Variants in GTF2F2 observed in about 807,000 individuals in gnomAD.
GTF2F2 encodes the protein general transcription factor IIF subunit 2, also known as ATP-dependent helicase GTF2F2.
In GTF2F2, 23 loss-of-function variants were observed where a neutral mutation model predicts 42.2. The observed-to-expected ratio is 0.55, with a 90% confidence interval of 0.39 to 0.77. The LOEUF (loss-of-function observed/expected upper bound fraction) is 0.77, where lower values mean the gene tolerates loss of function less well. Among genes scored for constraint, GTF2F2 ranks in the 30% least tolerant of loss-of-function variants. The pLI is 0.00. For synonymous variants in GTF2F2, 105 were observed against 100.8 expected, an observed-to-expected ratio of 1.04 and a Z score of -0.25; for missense variants, 261 against 287.2, an observed-to-expected ratio of 0.91 and a Z score of 0.66.
chr13:45,230,148 G>A (rs117751720), intron 5 of GTF2F2, among the ~76,000 whole-genome samples: 8,398 of 152,026 alleles, frequency 0.055, 297 homozygotes, highest in Admixed American at 0.092. Flanking sequence ...CCCATGAGGC[G>A]GAGGTTACAG....
intron 4 of GTF2F2, among the ~76,000 whole-genome samples, chr13:45,160,023 C>G (rs1388700844): frequency 6.6e-6 from 1 of 152,190 alleles, no homozygotes; most frequent in Non-Finnish European, 1.5e-5. Context: ...GTGGGACTTT[C>G]TGAGGCTTTA....
Position 45,189,690 on chromosome 13 carries a change from A to G in GTF2F2, c.305-17734A>G, listed in dbSNP as rs146335559. Among the ~76,000 whole-genome samples, 102 of 147,070 alleles carry G rather than the reference A, an allele frequency of 6.9e-4. 1 individual carries two copies. Among genetic ancestry groups the G allele is most frequent in the Admixed American group, 6.0e-4 (9 of 14,948 alleles). The stretch of plus-strand genomic sequence containing the variant: ...AAGGCTGTTGTGGTTTTGATTTGCA[A>G]TACCATTCAGGACATAGGCATGGGC... On this transcript the variant is annotated intron_variant, in intron 4 of 7. Coordinates refer to ENST00000340473, the MANE Select transcript of GTF2F2 (RefSeq NM_004128.3).
chr13:45,243,532 A>G (rs1410731144), intron 5 of GTF2F2, among the ~76,000 whole-genome samples: 2 of 152,244 alleles, frequency 1.3e-5, no homozygotes, highest in Non-Finnish European at 2.9e-5. Context: ...TGGTGCCAAA[A>G]AGGTTGTGGG....
intron 7 of GTF2F2, among the ~76,000 whole-genome samples, chr13:45,274,452 G>A (rs1049129294): frequency 2.0e-5 from 3 of 148,762 alleles, no homozygotes; most frequent in African/African-American, 5.0e-5. Flanking sequence ...TCAGCCTCCC[G>A]AGTAGCTGGG....
At chr13:45,273,655 A>ATTTTTTTTTTTTTT (rs773254844) in intron 7 of GTF2F2, among the ~76,000 whole-genome samples, 13,702 of 121,380 alleles carry the variant, frequency 0.11, 1,312 homozygotes, top group Non-Finnish European at 0.14. Context: ...GAGTGGTAAA[A>ATTTTTTTTTTTTTT]TTTTTTTTTT....
intron 2 of GTF2F2, among the ~76,000 whole-genome samples, chr13:45,148,091 T>G: frequency 6.6e-6 from 1 of 152,220 alleles, no homozygotes; most frequent in East Asian, 1.9e-4. Context: ...AGTGGACATA[T>G]AGTAGACCCT....
intron 5 of GTF2F2, among the ~76,000 whole-genome samples, chr13:45,215,985 C>T (rs918683444): frequency 2.0e-5 from 3 of 152,004 alleles, no homozygotes; most frequent in African/African-American, 7.2e-5. Flanking sequence ...GGTGCAGTGG[C>T]TCACACTTGT....
chr13:45,191,826 T>C (rs974384761), intron 4 of GTF2F2, among the ~76,000 whole-genome samples: 1 of 152,186 alleles, frequency 6.6e-6, no homozygotes, highest in Non-Finnish European at 1.5e-5. Context: ...GAATCTGATA[T>C]TTTTAATGGT....
intron 1 of GTF2F2, among the ~76,000 whole-genome samples, chr13:45,134,884 A>G (rs771305538): frequency 4.0e-5 from 6 of 151,816 alleles, no homozygotes; most frequent in Non-Finnish European, 8.8e-5. Context: ...TTGCAGGGCA[A>G]TTGGAAGGAT....
intron 1 of GTF2F2, among the ~76,000 whole-genome samples, chr13:45,130,987 C>G (rs866255107): frequency 2.6e-5 from 4 of 151,978 alleles, no homozygotes; most frequent in Middle Eastern, 3.2e-3. Flanking sequence ...GCACGGTGGC[C>G]TATGCCTGTA....
rs149937905 is a variant in GTF2F2, at chr13:45,121,593, C to T, written c.66+872C>T. On this transcript the variant is annotated intron_variant, in intron 1 of 7. Transcript: ENST00000340473. The stretch of plus-strand genomic sequence containing the variant: ...TAACACGACAGATGTGTATTACATT[C>T]TTCAAAGCACTTTTCACAGTGTAGA... 1.9e-3 allele frequency among the ~76,000 whole-genome samples: 290 copies of T among 152,332 alleles called. 1 individual carries two copies. The highest frequency in any genetic ancestry group is 6.8e-3 in the Middle Eastern group (2 of 294).
chr13:45,245,666 A>AATATATATATATATATATATAT (rs372488927), intron 5 of GTF2F2, among the ~76,000 whole-genome samples: 4 of 110,860 alleles, frequency 3.6e-5, no homozygotes, highest in African/African-American at 1.6e-4. Flanking sequence ...CCATGGTGTG[A>AATATATATATATATATATATAT]ATATATATAT....
intron 4 of GTF2F2, among the ~76,000 whole-genome samples, chr13:45,164,610 G>C (rs1003467364): frequency 3.3e-5 from 5 of 152,092 alleles, no homozygotes; most frequent in Non-Finnish European, 7.4e-5. Flanking sequence ...TGTAGTCTCA[G>C]CTATTTTGGA....
chr13:45,173,369 CTGTGTGTGTGTGTG>C (rs374858973), intron 4 of GTF2F2, among the ~76,000 whole-genome samples: 4 of 147,340 alleles, frequency 2.7e-5, no homozygotes, highest in African/African-American at 5.0e-5. Flanking sequence ...TTGTACTTAA[CTGTGTGTGTGTGTG>C]TGTGTGTGTG....
intron 4 of GTF2F2, among the ~76,000 whole-genome samples, chr13:45,178,071 C>G (rs766531): frequency 0.1 from 15,908 of 152,070 alleles, 2,234 homozygotes; most frequent in African/African-American, 0.32. Flanking sequence ...TTGCTGTCTT[C>G]CTTCATTTGT....
intron 6 of GTF2F2, among the ~76,000 whole-genome samples, chr13:45,261,052 G>A (rs1876318865): frequency 6.6e-6 from 1 of 152,076 alleles, no homozygotes; most frequent in Non-Finnish European, 1.5e-5. Flanking sequence ...CTTGAACACG[G>A]GAGACGGAGG....
chr13:45,168,415 C>A (rs115217656), intron 4 of GTF2F2, among the ~76,000 whole-genome samples: 1,908 of 152,336 alleles, frequency 0.013, 41 homozygotes, highest in African/African-American at 0.04. Context: ...CAGCCAATAT[C>A]TGCCAGGAGT....
chr13:45,254,069 CAA>C (rs770265378), intron 6 of GTF2F2, among the ~76,000 whole-genome samples: 10 of 58,168 alleles, frequency 1.7e-4, no homozygotes, highest in Non-Finnish European at 1.9e-4. Flanking sequence ...GACTCCGTCT[CAA>C]AAAAAAAAAA....
At chr13:45,259,841 C>T (rs1253167265) in intron 6 of GTF2F2, among the ~76,000 whole-genome samples, 2 of 151,890 alleles carry the variant, frequency 1.3e-5, no homozygotes, top group Non-Finnish European at 2.9e-5. Flanking sequence ...CCACCCATCT[C>T]GGCCTCCCAA....
Sources: allele counts gnomAD v4.1 joint callset (sites outside exome capture counted in the v4.1 genomes callset), GRCh38; gene constraint gnomAD v4.1.1; transcripts MANE v1.5; gene names NCBI Gene and HGNC (gene_info 2026-07-23, HGNC 2026-07-21).